The following BCAS3 variants were observed in gnomAD, a reference collection of about 807,000 sequenced individuals.
BCAS3 encodes the protein BCAS3 microtubule associated cell migration factor, also known as BCAS4/BCAS3 fusion.
In BCAS3, 53 loss-of-function variants were observed where a neutral mutation model predicts 116.1. That is an observed-to-expected ratio of 0.46 (90% CI 0.37 to 0.57). BCAS3 has a LOEUF of 0.57. BCAS3 is among the 20% of genes least tolerant of loss of function. The pLI is 0.00. For missense variants in BCAS3, 917 were observed against 1,165.4 expected, an observed-to-expected ratio of 0.79 and a Z score of 3.10; for synonymous variants, 391 against 408.2, an observed-to-expected ratio of 0.96 and a Z score of 0.51.
At position 61,041,049 on chromosome 17, in the gene BCAS3, G is replaced by C. The variant is rs185982817; in HGVS notation, c.2029+157G>C. ...AAGATATTTAATATGAATATAAACT[G>C]TAAGCCTTAGTATACATTATGTCTC... On this transcript the variant is annotated intron_variant, in intron 19 of 23. Coordinates refer to ENST00000407086, the MANE Select transcript of BCAS3 (RefSeq NM_017679.5). The surrounding 1 kb of genome is among the most constrained non-coding windows in gnomAD (Gnocchi z 4.7). 6.6e-6 allele frequency among the ~76,000 whole-genome samples: 1 copy of C among 152,230 alleles called. No homozygotes were observed. Among genetic ancestry groups the C allele is most frequent in the African/African-American group, 2.4e-5 (1 of 41,550 alleles).
chr17:60,810,275 C>A, intron 7 of BCAS3: 1 of 449,680 alleles, frequency 2.2e-6, no homozygotes, highest in Non-Finnish European at 4.4e-6. Context: ...AGTGTCTGTG[C>A]AGGCACCAGG....
intron 6 of BCAS3, among the ~76,000 whole-genome samples, chr17:60,752,783 G>C (rs1272899212): frequency 1.3e-5 from 2 of 152,004 alleles, no homozygotes; most frequent in African/African-American, 4.8e-5. Context: ...TCCTATACTG[G>C]TTATTATGAA....
At position 61,206,564 on chromosome 17, in the gene BCAS3, C is replaced by T. The variant is rs539415649; in HGVS notation, c.2425+122000C>T. On this transcript the variant is annotated intron_variant, in intron 22 of 23. Coordinates refer to ENST00000407086, the MANE Select transcript of BCAS3 (RefSeq NM_017679.5). ...CCTGTAATCCCAGCACTTTGGGAGG[C>T]CAAGGCGGATGGATCACCCGAGGTC... is the stretch of plus-strand genomic sequence containing the variant. Among the ~76,000 whole-genome samples, 8 of 151,998 alleles carry T rather than the reference C, an allele frequency of 5.3e-5. No homozygotes were observed. The South Asian group carries it at 1.7e-3, about 32-fold the overall frequency.
At chr17:61,154,076 C>T (rs2077692754) in intron 22 of BCAS3, among the ~76,000 whole-genome samples, 1 of 152,186 alleles carries the variant, frequency 6.6e-6, no homozygotes, top group Admixed American at 6.5e-5. Flanking sequence ...GTTCATCCCC[C>T]CACTGCCACT....
In BCAS3 at chr17:61,327,973, C is replaced by T. The variant is rs1032437181; in HGVS notation, c.2426-40354C>T. The stretch of plus-strand genomic sequence containing the variant: ...AACCATTATACATTAATAGTTTATT[C>T]TTTTTCACCCAGCAATTTATTTTCT... On this transcript the variant is annotated intron_variant, in intron 22 of 23. Transcript: ENST00000407086. The surrounding 1 kb of genome is among the most constrained non-coding windows in gnomAD (Gnocchi z 5.9). 6.6e-6 allele frequency among the ~76,000 whole-genome samples: 1 copy of T among 152,054 alleles called. No individual in the cohort carries two copies. The highest frequency in any genetic ancestry group is 2.4e-5 in the African/African-American group (1 of 41,384).
intron 6 of BCAS3, among the ~76,000 whole-genome samples, chr17:60,802,632 A>G (rs1366734296): frequency 1.3e-5 from 2 of 152,172 alleles, no homozygotes; most frequent in African/African-American, 4.8e-5. Context: ...AAAACATTGC[A>G]TATCTGCTTG....
chr17:60,909,689 C>T (rs1216183025), intron 11 of BCAS3, among the ~76,000 whole-genome samples: 1 of 151,994 alleles, frequency 6.6e-6, no homozygotes, highest in Non-Finnish European at 1.5e-5. Context: ...AAGCTTTCTT[C>T]CTTTCAGATG....
In BCAS3 at chr17:61,045,964, TA is replaced by T. The variant is rs1202941000; in HGVS notation, c.2029+5074del. ...TATATTATATATATAAATATATATA[TA>T]ATATATATATATTATATATATATTT... On this transcript the variant is annotated intron_variant, in intron 19 of 23. Coordinates refer to ENST00000407086, the MANE Select transcript of BCAS3 (RefSeq NM_017679.5). Among the ~76,000 whole-genome samples the T allele has an allele frequency of 5.2e-3, 54 of 10,448 alleles. 2 individuals are homozygous for T. The highest frequency in any genetic ancestry group is 6.7e-3 in the Admixed American group (3 of 448). 6.9% of individuals were successfully genotyped at this position (10,448 alleles called of 152,430 possible).
intron 14 of BCAS3, among the ~76,000 whole-genome samples, chr17:60,947,871 C>T (rs1200355730): frequency 2.0e-5 from 3 of 152,044 alleles, no homozygotes; most frequent in Admixed American, 6.6e-5. Context: ...ATTTTGATTG[C>T]GTGAAATCAC....
rs1409769288 is a variant in BCAS3 at position 61,333,863 on chromosome 17, G to A, written c.2426-34464G>A. Among the ~76,000 whole-genome samples, 3 of 152,020 alleles carry A rather than the reference G, an allele frequency of 2.0e-5. No homozygotes were observed. The highest frequency in any genetic ancestry group is 7.3e-5 in the African/African-American group (3 of 41,378). On this transcript the variant is annotated intron_variant, in intron 22 of 23. Coordinates refer to ENST00000407086, the MANE Select transcript of BCAS3 (RefSeq NM_017679.5). This position sits in a 1 kb window ranked among gnomAD's most constrained non-coding sequence, Gnocchi z 4.8. ...TCAAACTCCTTACCTCAAGTGATCCGCCCATCTCGGCCTCCCAAAGTGCTG... is the reference window on the plus strand; with the variant it reads ...TCAAACTCCTTACCTCAAGTGATCCACCCATCTCGGCCTCCCAAAGTGCTG...
rs763502396 is a variant in BCAS3 at position 61,368,531 on chromosome 17, A to G, written c.2593+37A>G. On this transcript the variant is annotated intron_variant, in intron 23 of 23. Coordinates refer to ENST00000407086, the MANE Select transcript of BCAS3 (RefSeq NM_017679.5). This position sits in a 1 kb window ranked among gnomAD's most constrained non-coding sequence, Gnocchi z 6.0. The stretch of plus-strand genomic sequence containing the variant: ...ATCAGACTTCTAGCCTGATTTGGTC[A>G]GGACCAGCACCTGTTGGTGCAGAGC... 97 of 1,565,428 alleles carry G rather than the reference A, an allele frequency of 6.2e-5. No individual in the cohort carries two copies. The highest frequency in any genetic ancestry group is 7.7e-5 in the Non-Finnish European group (88 of 1,146,282).
intron 6 of BCAS3, among the ~76,000 whole-genome samples, chr17:60,764,715 C>T (rs8065934): frequency 0.27 from 41,690 of 152,036 alleles, 11,433 homozygotes; most frequent in African/African-American, 0.71. Flanking sequence ...ATTAGGTCTG[C>T]TTGGTGCAGA....
intron 22 of BCAS3, among the ~76,000 whole-genome samples, chr17:61,271,625 GTGTGTGTGTTT>G: frequency 7.5e-6 from 1 of 133,298 alleles, no homozygotes; most frequent in African/African-American, 2.8e-5. Context: ...GTGTGTGTGT[GTGTGTGTGTTT>G]AGTAGAGACG....
intron 22 of BCAS3, chr17:61,357,068 G>T (rs779013725): frequency 1.3e-5 from 2 of 151,332 alleles, no homozygotes; most frequent in African/African-American, 4.9e-5. Context: ...TTTGTCTCTC[G>T]ACTTTTTCTT....
chr17:61,093,257 C>G (rs1479407364), intron 22 of BCAS3, among the ~76,000 whole-genome samples: 1 of 152,052 alleles, frequency 6.6e-6, no homozygotes, highest in East Asian at 1.9e-4. Context: ...ATAGTTTAAG[C>G]CTTCACATTT....
At position 61,337,704 on chromosome 17, in the gene BCAS3, TA is replaced by T. The variant is rs1395181820; in HGVS notation, c.2426-30620del. 3.3e-5 allele frequency among the ~76,000 whole-genome samples: 5 copies of T among 152,170 alleles called. No individual in the cohort carries two copies. Among genetic ancestry groups the T allele is most frequent in the Non-Finnish European group, 5.9e-5 (4 of 68,028 alleles). On this transcript the variant is annotated intron_variant, in intron 22 of 23. Transcript: ENST00000407086. The surrounding 1 kb of genome is among the most constrained non-coding windows in gnomAD (Gnocchi z 4.8). ...CCTTTTTCTTTTTGCGCTCACCCCT[TA>T]AAGGTCGTTTCTGATCTACTCCCTC...
rs1285596460 is a variant in BCAS3 at position 61,136,174 on chromosome 17, TC to T, written c.2425+51613del. ...CTATTTAAATGTTTTCCCGTGCTCT[TC>T]CCTCTACATAAAATCATTTCTTTCC... On this transcript the variant is annotated intron_variant, in intron 22 of 23. Transcript: ENST00000407086. This position sits in a 1 kb window ranked among gnomAD's most constrained non-coding sequence, Gnocchi z 4.4. Among the ~76,000 whole-genome samples the T allele has an allele frequency of 4.6e-5, 7 of 152,312 alleles. No individual in the cohort carries two copies. In the East Asian group the frequency reaches 1.3e-3, roughly 29 times the overall value.
chr17:60,760,086 A>G (rs1332711627), intron 6 of BCAS3, among the ~76,000 whole-genome samples: 2 of 152,208 alleles, frequency 1.3e-5, no homozygotes, highest in African/African-American at 4.8e-5. Context: ...GGCAAAGTGC[A>G]TTTCTTGTAG....
At position 60,990,354 on chromosome 17, in the gene BCAS3, C is replaced by A; in HGVS notation, c.1486+119C>A. 2 of 1,070,872 alleles carry A rather than the reference C, an allele frequency of 1.9e-6. No individual in the cohort carries two copies. The highest frequency in any genetic ancestry group is 1.9e-5 in the South Asian group (1 of 52,908). 66.3% of individuals were successfully genotyped at this position (1,070,872 alleles called of 1,614,324 possible). On this transcript the variant is annotated intron_variant, in intron 15 of 23. Coordinates refer to ENST00000407086, the MANE Select transcript of BCAS3 (RefSeq NM_017679.5). This position sits in a 1 kb window ranked among gnomAD's most constrained non-coding sequence, Gnocchi z 5.1. ...GTTCATGTAAAAAGAAGATCTTAGG[C>A]TTATATGAAATTCTTAATTATTAAA...
Sources: allele counts gnomAD v4.1 joint callset (sites outside exome capture counted in the v4.1 genomes callset), GRCh38; gene constraint gnomAD v4.1.1; non-coding constraint Gnocchi (gnomAD v3.1); transcripts MANE v1.5; gene names NCBI Gene and HGNC (gene_info 2026-07-23, HGNC 2026-07-21).